Variants in SAAL1 observed in about 807,000 individuals in gnomAD.
The protein encoded by SAAL1 is protein SAAL1.
Under a neutral mutation model 59.8 loss-of-function variants are expected in SAAL1, and 42 were observed. That is an observed-to-expected ratio of 0.70 (90% CI 0.55 to 0.91). SAAL1 has a LOEUF of 0.91. Among genes scored for constraint, SAAL1 ranks in the 40% least tolerant of loss-of-function variants. The pLI, the probability that SAAL1 is intolerant of heterozygous loss-of-function variation, is 0.00. For missense variants in SAAL1, 542 were observed against 561.1 expected (o/e 0.97, Z 0.34); for synonymous variants, 191 against 194.3 (o/e 0.98, Z 0.14).
intron 2 of SAAL1, among the ~76,000 whole-genome samples, chr11:18,101,802 T>A (rs1033697892): frequency 7.0e-6 from 1 of 142,396 alleles, no homozygotes; most frequent in African/African-American, 2.7e-5. Flanking sequence ...ATACATATAA[T>A]GGAATACCAT....
At chr11:18,089,604 A>C in intron 6 of SAAL1, 94 bp from the exon 7 acceptor site, 1 of 1,120,030 alleles carries the variant, frequency 8.9e-7, no homozygotes, top group Non-Finnish European at 1.3e-6. Flanking sequence ...AGAAAACCAA[A>C]TCTTGCCAAA....
Position 18,083,701 on chromosome 11 carries a change from C to G in SAAL1, c.1073G>C (p.Arg358Pro). ...ACACTGTTCCATATTTTGTAAGACC[C>G]GAATGAGGCTGTCAATTAGAGGAAG... ...VDLPLIDSLI[R>P]VLQNMEQCQK... Residue 358 changes from arginine to proline, a missense_variant, in exon 10 of 12, where the codon CGG becomes CCG. Arg to Pro is a moderately radical substitution (Grantham distance 103). Coordinates refer to ENST00000524803, the MANE Select transcript of SAAL1 (RefSeq NM_138421.3). The G allele has an allele frequency of 1.2e-6, 2 of 1,607,722 alleles. No individual in the cohort carries two copies. Among genetic ancestry groups the G allele is most frequent in the Non-Finnish European group, 1.7e-6 (2 of 1,177,048 alleles).
intron 3 of SAAL1, among the ~76,000 whole-genome samples, chr11:18,093,261 A>C: frequency 6.6e-6 from 1 of 152,230 alleles, no homozygotes; most frequent in East Asian, 1.9e-4. Flanking sequence ...AGGAGCCGCC[A>C]TTAAGTGCTT....
intron 3 of SAAL1, chr11:18,093,714 G>A (rs1348345787): frequency 6.6e-6 from 1 of 152,136 alleles, no homozygotes; most frequent in Non-Finnish European, 1.5e-5. Flanking sequence ...AAGATCTTAA[G>A]ATCTCCAACT....
At chr11:18,091,687 T>C (rs1388954446) in intron 4 of SAAL1, among the ~76,000 whole-genome samples, 1 of 152,212 alleles carries the variant, frequency 6.6e-6, no homozygotes, top group Non-Finnish European at 1.5e-5. Context: ...TTTCGGGGTG[T>C]TCTCCGAACA....
Position 18,083,584 on chromosome 11 carries a change from T to C in SAAL1, c.1190A>G (p.Lys397Arg). ...AGAAAGAAATTCACATAAAATATCC[T>C]TTAAGATTTTCAAGTGGAAATCATC... ...TQDDFHLKIL[K>R]DILCEFLSNI... Residue 397 changes from lysine (K) to arginine (R), a missense_variant, in exon 10 of 12, where the codon AAG (lysine) becomes AGG (arginine). By Grantham distance (26) the Lys-to-Arg change is conservative. Coordinates refer to ENST00000524803, the MANE Select transcript of SAAL1 (RefSeq NM_138421.3). 6.3e-7 allele frequency: 1 copy of C among 1,597,432 alleles called. No homozygotes were observed. The highest frequency in any genetic ancestry group is 8.6e-7 in the Non-Finnish European group (1 of 1,165,548).
At chr11:18,081,993 C>T (rs535810180) in intron 10 of SAAL1, among the ~76,000 whole-genome samples, 36 of 152,262 alleles carry the variant, frequency 2.4e-4, no homozygotes, top group African/African-American at 7.9e-4. Context: ...CTAAACTGAT[C>T]GTATCACTTG....
At chr11:18,093,004 T>C (rs1472308740) in intron 3 of SAAL1, among the ~76,000 whole-genome samples, 3 of 152,180 alleles carry the variant, frequency 2.0e-5, no homozygotes, top group Non-Finnish European at 4.4e-5. Flanking sequence ...AATTCATGTT[T>C]TAAATTGCAT....
chr11:18,084,560 C>T (rs1848442928), intron 9 of SAAL1, among the ~76,000 whole-genome samples: 1 of 152,194 alleles, frequency 6.6e-6, no homozygotes, highest in African/African-American at 2.4e-5. Flanking sequence ...TTACACTTTC[C>T]ATTCCCTCTG....
At chr11:18,105,764 C>T in intron 1 of SAAL1, 143 bp downstream of exon 1, 1 of 1,082,842 alleles carries the variant, frequency 9.2e-7, no homozygotes. Flanking sequence ...CGGCGAAACG[C>T]AAGGAGCAAG....
chr11:18,083,277 T>C (rs1172375955), intron 10 of SAAL1: 2 of 232,446 alleles, frequency 8.6e-6, no homozygotes, highest in Non-Finnish European at 1.7e-5. Context: ...AAAAATTGCA[T>C]ATGCTGGGTT....
At chr11:18,102,650 C>A (rs1429429477) in intron 2 of SAAL1, among the ~76,000 whole-genome samples, 5 of 152,046 alleles carry the variant, frequency 3.3e-5, no homozygotes, top group Admixed American at 3.3e-4. Flanking sequence ...TGCTAAAGTC[C>A]AGGTAATAAA....
At chr11:18,096,532 G>A (rs1980098) in intron 3 of SAAL1, among the ~76,000 whole-genome samples, 19,219 of 151,990 alleles carry the variant, frequency 0.13, 1,615 homozygotes, top group African/African-American at 0.23. Flanking sequence ...GCAGTGAGCC[G>A]TGATCACGCC....
chr11:18,093,720 C>G (rs561594767), intron 3 of SAAL1: 64 of 152,218 alleles, frequency 4.2e-4, no homozygotes, highest in African/African-American at 1.5e-3. Flanking sequence ...TTAAGATCTC[C>G]AACTAGAACA....
rs1256842627 is a variant in SAAL1 at position 18,092,235 on chromosome 11, T to C, written c.413+10A>G. 1 of 1,442,052 alleles carries C rather than the reference T, an allele frequency of 6.9e-7. No individual in the cohort carries two copies. Among genetic ancestry groups the C allele is most frequent in the Non-Finnish European group, 9.7e-7 (1 of 1,030,526 alleles). 89.3% of individuals were successfully genotyped at this position (1,442,052 alleles called of 1,614,324 possible). A position where few individuals can be genotyped will look rare whatever the true frequency, so the allele number is the denominator to read the frequency against. On this transcript the variant is annotated intron_variant, in intron 4 of 11. Transcript: ENST00000524803. Reference sequence around the variant, plus strand: ...TATATTAAAAAACATAATTATATAGTAAGACTTACCCAAGATTTTTATCAC... The same window carrying C: ...TATATTAAAAAACATAATTATATAGCAAGACTTACCCAAGATTTTTATCAC...
chr11:18,102,062 C>A (rs766877444), intron 2 of SAAL1, among the ~76,000 whole-genome samples: 1 of 152,052 alleles, frequency 6.6e-6, no homozygotes, highest in East Asian at 1.9e-4. Context: ...GATGGGTATG[C>A]GCTGTATCCT....
At chr11:18,083,789 T>A in intron 9 of SAAL1, 58 bp from the exon 10 acceptor site, 2 of 1,151,210 alleles carry the variant, frequency 1.7e-6, no homozygotes, top group Non-Finnish European at 2.5e-6. Context: ...TTTTCATTCA[T>A]ATGTATTGAA....
intron 11 of SAAL1, among the ~76,000 whole-genome samples, chr11:18,081,145 C>T: frequency 6.6e-6 from 1 of 152,258 alleles, no homozygotes; most frequent in African/African-American, 2.4e-5. Context: ...CCCTCCCTCT[C>T]TCCCTCCCCT....
chr11:18,084,359 A>T (rs2134054889), intron 9 of SAAL1, among the ~76,000 whole-genome samples: 1 of 152,318 alleles, frequency 6.6e-6, no homozygotes, highest in South Asian at 2.1e-4. Flanking sequence ...TATTAAAGCC[A>T]GCTCATGCGT....
Sources: gnomAD v4.1 joint callset for allele counts (sites outside exome capture counted in the v4.1 genomes callset) on GRCh38, gnomAD v4.1.1 for gene constraint, MANE v1.5 for transcripts, NCBI Gene and HGNC (gene_info 2026-07-23, HGNC 2026-07-21) for gene names.